The following TRPM3 variants were observed in gnomAD, a reference collection of about 807,000 sequenced individuals.
TRPM3 encodes the protein transient receptor potential cation channel subfamily M member 3.
A neutral mutation model predicts 181.2 loss-of-function variants in TRPM3; 77 were observed. The ratio of observed to expected loss-of-function variants is 0.42; its 90% CI spans 0.35 to 0.51. TRPM3 has a LOEUF of 0.51. Ranked by LOEUF, TRPM3 falls within the 20% of genes least tolerant of loss-of-function variation. The probability of loss-of-function intolerance (pLI) is 0.01; values close to 1 mark genes in which losing one functional copy is unlikely to be tolerated. For missense variants in TRPM3, 1,759 were observed against 2,196.7 expected (o/e 0.80, Z 3.98); for synonymous variants, 745 against 796.4 (o/e 0.94, Z 1.09).
intron 1 of TRPM3, among the ~76,000 whole-genome samples, chr9:71,001,063 C>T (rs1374872726): frequency 6.6e-6 from 1 of 152,214 alleles, no homozygotes; most frequent in Non-Finnish European, 1.5e-5. Context: ...TGTCTTCATT[C>T]TCATACAGGA....
At chr9:71,262,324 AAC>A in intron 1 of TRPM3, among the ~76,000 whole-genome samples, 1 of 152,192 alleles carries the variant, frequency 6.6e-6, no homozygotes, top group South Asian at 2.1e-4. Context: ...GTGAGGGGAA[AAC>A]CACCTACTCA....
intron 1 of TRPM3, among the ~76,000 whole-genome samples, chr9:71,230,899 T>A (rs1459412636): frequency 1.3e-5 from 2 of 152,178 alleles, no homozygotes; most frequent in South Asian, 4.1e-4. Context: ...TTCTGGGCTG[T>A]CTATCTTTCA....
At chr9:71,289,875 CAA>C (rs71352367) in intron 1 of TRPM3, among the ~76,000 whole-genome samples, 58 of 39,764 alleles carry the variant, frequency 1.5e-3, no homozygotes, top group East Asian at 7.5e-3. Context: ...GACTCTGTCT[CAA>C]AAAAAAAAAA....
At chr9:70,672,129 C>T (rs1250118231) in intron 9 of TRPM3, among the ~76,000 whole-genome samples, 4 of 152,054 alleles carry the variant, frequency 2.6e-5, no homozygotes, top group African/African-American at 9.7e-5. Context: ...GGTTTTAGAA[C>T]CTCTGTTTTC....
intron 1 of TRPM3, among the ~76,000 whole-genome samples, chr9:71,138,835 T>C (rs561677025): frequency 7.9e-5 from 12 of 152,318 alleles, no homozygotes; most frequent in African/African-American, 2.6e-4. Flanking sequence ...CATAGTTACA[T>C]ATGTCTCCTT....
chr9:70,630,806 T>C lies in TRPM3; in HGVS notation c.1632+4405A>G, dbSNP rs917517452. 3.9e-5 allele frequency among the ~76,000 whole-genome samples: 6 copies of C among 152,256 alleles called. No individual in the cohort carries two copies. In the East Asian group the frequency reaches 7.7e-4, roughly 20 times the overall value. On this transcript the variant is annotated intron_variant, in intron 12 of 25. Transcript: ENST00000677713. The stretch of plus-strand genomic sequence containing the variant: ...TAGGTACGATTTGACAACTTGAAAA[T>C]GTTGTCTTCTTTTTTCATGCTATGA...
chr9:71,282,192 GAA>G, intron 1 of TRPM3, among the ~76,000 whole-genome samples: 1 of 72,114 alleles, frequency 1.4e-5, no homozygotes, highest in Admixed American at 1.5e-4. Context: ...AGAAAGGAAA[GAA>G]AGAATGAAAG....
chr9:70,537,298 A>G lies in TRPM3; in HGVS notation c.3815T>C (p.Ile1272Thr). ...CTCCAGGGCCGTGGCCATGCGCCCG[A>G]TAAGGTCTTCCAGCTGCGCCAGCCG... is the stretch of plus-strand genomic sequence containing the variant. ...DIRLAQLEDL[I>T]GRMATALERL... The change falls in exon 26 of 26, where the codon ATC (isoleucine) becomes ACC (threonine). Residue 1272 changes from isoleucine (I) to threonine (T), a missense_variant. Around this residue, in one of 8 missense-constraint regions of TRPM3, gnomAD observed 612 missense variants for 590.0 expected, o/e 1.04. Transcript: ENST00000677713. 1 of 1,547,578 alleles carries G rather than the reference A, an allele frequency of 6.5e-7. No individual in the cohort carries two copies. The highest frequency in any genetic ancestry group is 8.7e-7 in the Non-Finnish European group (1 of 1,144,286).
intron 8 of TRPM3, among the ~76,000 whole-genome samples, chr9:70,693,038 A>C (rs2069061006): frequency 6.6e-6 from 1 of 152,192 alleles, no homozygotes; most frequent in African/African-American, 2.4e-5. Context: ...AGCTCTGCTG[A>C]TTTTGTGATG....
intron 1 of TRPM3, among the ~76,000 whole-genome samples, chr9:71,335,554 A>G (rs2090492727): frequency 6.6e-6 from 1 of 152,152 alleles, no homozygotes; most frequent in African/African-American, 2.4e-5. Flanking sequence ...AATTCTGAAT[A>G]TAATTGCTGA....
At chr9:70,824,563 G>A (rs1410176158) in intron 6 of TRPM3, 1 of 152,002 alleles carries the variant, frequency 6.6e-6, no homozygotes, top group East Asian at 1.9e-4. Flanking sequence ...GAGTAGCTGG[G>A]ATTACAGGCA....
chr9:71,040,014 T>C (rs908805232), intron 1 of TRPM3, among the ~76,000 whole-genome samples: 7 of 152,160 alleles, frequency 4.6e-5, no homozygotes, highest in South Asian at 2.1e-4. Context: ...ATAAATTTCA[T>C]AGATGTTATG....
intron 1 of TRPM3, among the ~76,000 whole-genome samples, chr9:71,420,574 GAGAA>G (rs888881587): frequency 1.6e-5 from 2 of 126,672 alleles, no homozygotes; most frequent in African/African-American, 5.8e-5. Flanking sequence ...AAAAAGAGAA[GAGAA>G]AGAGAAAGAA....
intron 7 of TRPM3, chr9:70,776,351 A>C (rs1434625097): frequency 1.5e-6 from 1 of 652,908 alleles, no homozygotes; most frequent in Non-Finnish European, 2.8e-6. Flanking sequence ...CTGAGCTTCC[A>C]ATGCTGGCCC....
intron 1 of TRPM3, among the ~76,000 whole-genome samples, chr9:70,893,759 G>C (rs953301720): frequency 6.6e-6 from 1 of 152,178 alleles, no homozygotes; most frequent in African/African-American, 2.4e-5. Flanking sequence ...CATTGACACA[G>C]AGTGAATAAG....
At chr9:70,870,722 C>T (rs1400170855) in intron 1 of TRPM3, among the ~76,000 whole-genome samples, 2 of 151,950 alleles carry the variant, frequency 1.3e-5, no homozygotes, top group Non-Finnish European at 1.5e-5. Context: ...GAGAAATAAA[C>T]ATTTTCATGT....
chr9:70,647,585 A>G (rs1192408776), intron 9 of TRPM3, among the ~76,000 whole-genome samples: 1 of 152,208 alleles, frequency 6.6e-6, no homozygotes, highest in Non-Finnish European at 1.5e-5. Context: ...AGCCACCATC[A>G]TACTGAACAG....
intron 5 of TRPM3, among the ~76,000 whole-genome samples, chr9:70,828,585 T>C (rs10780972): frequency 0.44 from 66,118 of 151,802 alleles, 15,274 homozygotes; most frequent in Non-Finnish European, 0.5. Context: ...TCTCATGAGA[T>C]AGATATGAAT....
At position 71,034,678 on chromosome 9, in the gene TRPM3, G is replaced by A. The variant is rs573172603; in HGVS notation, c.177+86500C>T. 4.9e-4 allele frequency among the ~76,000 whole-genome samples: 75 copies of A among 151,840 alleles called. 1 individual carries two copies. Among genetic ancestry groups the A allele is most frequent in the Non-Finnish European group, 9.1e-4 (62 of 67,948 alleles). On this transcript the variant is annotated intron_variant, in intron 1 of 25. Transcript: ENST00000677713. ...ATTCTGTGCTCAGTAACATCATCTCGGTAGCTTGAAATCAGTCATGGTGGG... is the reference window on the plus strand; with the variant it reads ...ATTCTGTGCTCAGTAACATCATCTCAGTAGCTTGAAATCAGTCATGGTGGG...
Sources: allele counts gnomAD v4.1 joint callset (sites outside exome capture counted in the v4.1 genomes callset), GRCh38; gene constraint gnomAD v4.1.1; regional missense constraint gnomAD v4.1.1; transcripts MANE v1.5; gene names NCBI Gene and HGNC (gene_info 2026-07-23, HGNC 2026-07-21).